The following TAF1 variants were observed in gnomAD, a reference collection of about 807,000 sequenced individuals.
TAF1 encodes TATA-box binding protein associated factor 1.
TAF1 carries 2 observed loss-of-function variants against 138.5 expected under a neutral mutation model. The observed-to-expected ratio is 0.01, with a 90% CI of 0.01 to 0.05. The LOEUF (loss-of-function observed/expected upper bound fraction) is 0.05. Among genes scored for constraint, TAF1 ranks in the 10% least tolerant of loss-of-function variants. TAF1 has a pLI of 1.00. For synonymous variants in TAF1, 437 were observed against 503.2 expected (o/e 0.87, Z 1.76); for missense variants, 709 against 1,478.0 (o/e 0.48, Z 8.53).
chrX:71,442,189 G>A lies in TAF1; in HGVS notation c.4754-11981G>A, dbSNP rs772252314. Among the ~76,000 whole-genome samples the A allele has an allele frequency of 3.0e-4, 34 of 112,266 alleles. 1 individual carries two copies. The South Asian group carries it at 0.012, about 40-fold the overall frequency. On this transcript the variant is annotated intron_variant, in intron 32 of 37. Transcript: ENST00000423759. ...CCTTTGAGTATATACCCAGTAATGGGATGGCTAGGTCAAATGGTATTTCTA... is the reference window on the plus strand; with the variant it reads ...CCTTTGAGTATATACCCAGTAATGGAATGGCTAGGTCAAATGGTATTTCTA...
At chrX:71,407,453 A>G (rs1479735834) in intron 26 of TAF1, 121 bp from the exon 27 acceptor site, 1 of 564,897 alleles carries the variant, frequency 1.8e-6, no homozygotes. Context: ...CTTGGCCTCA[A>G]GTGGTCCACC....
At chrX:71,371,065 A>T (rs961106533) in intron 3 of TAF1, among the ~76,000 whole-genome samples, 13 of 111,721 alleles carry the variant, frequency 1.2e-4, no homozygotes, top group Admixed American at 8.6e-4. Flanking sequence ...GGTGGCAGTT[A>T]TTTTCAGTAG....
At chrX:71,422,457 A>G (rs2036396062) in intron 29 of TAF1, among the ~76,000 whole-genome samples, 1 of 107,690 alleles carries the variant, frequency 9.3e-6, no homozygotes, top group Non-Finnish European at 1.9e-5. Context: ...CTGGGACCAC[A>G]GGCGTGTGCC....
At chrX:71,401,885 C>T in intron 25 of TAF1, 146 bp downstream of exon 25, 1 of 563,959 alleles carries the variant, frequency 1.8e-6, no homozygotes, top group Non-Finnish European at 2.9e-6. Context: ...GTTATTGTTG[C>T]CAGTAATGAA....
At chrX:71,400,016 G>A (rs944764405) in intron 24 of TAF1, among the ~76,000 whole-genome samples, 4 of 111,338 alleles carry the variant, frequency 3.6e-5, no homozygotes, top group Non-Finnish European at 5.7e-5. Context: ...ACAGGCATGA[G>A]CCACCATGCC....
rs1001866538 is a variant in TAF1, at chrX:71,510,586, T to A, written c.1367-17956T>A. Among the ~76,000 whole-genome samples the A allele has an allele frequency of 2.7e-5, 3 of 111,718 alleles. No homozygotes were observed. The East Asian group carries it at 8.4e-4, about 31-fold the overall frequency. ...GAGTTTGGGGGCAGGAGTGAGAAGT[T>A]CCATTTTTAACATGTGGTATTTCAG... On this transcript the variant is annotated intron_variant and NMD_transcript_variant, in intron 13 of 14. Transcript: ENST00000373775.
intron 14 of TAF1, among the ~76,000 whole-genome samples, chrX:71,529,079 T>G (rs1381865821): frequency 9.8e-6 from 1 of 102,416 alleles, no homozygotes; most frequent in Non-Finnish European, 2.0e-5. Flanking sequence ...TTTGTTTTTG[T>G]TTTTTTTTTT....
intron 2 of TAF1, 125 bp downstream of exon 2, chrX:71,367,738 TGGGCTGACTGCA>T (rs2032663875): frequency 2.5e-6 from 2 of 799,637 alleles, no homozygotes. Context: ...TGGGGCGATC[TGGGCTGACTGCA>T]GCCTCCGCCA....
At chrX:71,486,500 G>A (rs1188486100) in intron 13 of TAF1, among the ~76,000 whole-genome samples, 1 of 107,415 alleles carries the variant, frequency 9.3e-6, no homozygotes, top group Non-Finnish European at 1.9e-5. Context: ...GACTACAGGT[G>A]CACACCACCA....
intron 1 of TAF1, among the ~76,000 whole-genome samples, chrX:71,367,038 C>T (rs2032575228): frequency 8.9e-6 from 1 of 111,956 alleles, no homozygotes; most frequent in Non-Finnish European, 1.9e-5. Flanking sequence ...TGTCCTGCGC[C>T]CTAGTGAAAC....
At chrX:71,468,421 C>T (rs2038809823), downstream of TAF1, among the ~76,000 whole-genome samples, 2 of 110,706 alleles carry the variant, frequency 1.8e-5, no homozygotes, top group African/African-American at 3.3e-5. Flanking sequence ...GGTGCTGTGG[C>T]TCACGCCTGT....
At chrX:71,492,643 C>G (rs1602839518) in intron 13 of TAF1, 1 of 122,378 alleles carries the variant, frequency 8.2e-6, no homozygotes. Context: ...CGCCCGGCTC[C>G]TAGCTGCGGA....
intron 32 of TAF1, among the ~76,000 whole-genome samples, chrX:71,442,045 A>G (rs2037456106): frequency 9.0e-6 from 1 of 110,902 alleles, no homozygotes; most frequent in Admixed American, 9.6e-5. Flanking sequence ...TATGTGCCAC[A>G]TTTTCTTAAT....
chrX:71,446,887 C>A (rs1191861812), intron 32 of TAF1, among the ~76,000 whole-genome samples: 1 of 111,409 alleles, frequency 9.0e-6, no homozygotes, highest in Admixed American at 9.6e-5. Context: ...AACTAAACAT[C>A]CTAATTTACA....
intron 3 of TAF1, among the ~76,000 whole-genome samples, chrX:71,369,238 C>A (rs1434589794): frequency 1.8e-5 from 2 of 111,063 alleles, no homozygotes; most frequent in African/African-American, 6.6e-5. Flanking sequence ...CTCAAGTGAC[C>A]CTGCTCCCCT....
intron 13 of TAF1, among the ~76,000 whole-genome samples, chrX:71,504,741 CAAAAAAAAAAAAAAAAAAAAA>C (rs41370846): frequency 1.8e-4 from 1 of 5,702 alleles, no homozygotes; most frequent in Non-Finnish European, 3.5e-4. Flanking sequence ...GACCCTGTCT[CAAAAAAAAAAAAAAAAAAAAA>C]AAAAAAAAAA....
At chrX:71,511,889 G>A (rs913213949) in intron 13 of TAF1, among the ~76,000 whole-genome samples, 5 of 110,246 alleles carry the variant, frequency 4.5e-5, no homozygotes, top group Non-Finnish European at 7.6e-5. Context: ...GGTGGCACAC[G>A]CCTGTAGTCT....
chrX:71,527,047 G>A (rs2040009862), intron 13 of TAF1, among the ~76,000 whole-genome samples: 1 of 108,989 alleles, frequency 9.2e-6, no homozygotes, highest in African/African-American at 3.3e-5. Context: ...TGGGTGACAG[G>A]GTGAGACCCT....
intron 24 of TAF1, among the ~76,000 whole-genome samples, chrX:71,400,097 T>C (rs778795869): frequency 3.7e-5 from 4 of 108,764 alleles, no homozygotes; most frequent in Admixed American, 3.0e-4. Context: ...TTTGTTTGTT[T>C]GGTTTTTTTA....
Sources: allele counts gnomAD v4.1 joint callset (sites outside exome capture counted in the v4.1 genomes callset), GRCh38; gene constraint gnomAD v4.1.1; transcripts MANE v1.5; gene names NCBI Gene and HGNC (gene_info 2026-07-23, HGNC 2026-07-21).